Variants in GPC6 observed in about 807,000 individuals in gnomAD.
The protein encoded by GPC6 is glypican-6.
Under a neutral mutation model 55.2 loss-of-function variants are expected in GPC6, and 14 were observed. The observed-to-expected ratio is 0.25, with a 90% confidence interval of 0.17 to 0.40. The LOEUF is 0.40. Among genes scored for constraint, GPC6 ranks in the 10% least tolerant of loss-of-function variants. The pLI, the probability that GPC6 is intolerant of heterozygous loss-of-function variation, is 1.00. For missense variants in GPC6, 641 were observed against 708.5 expected, an observed-to-expected ratio of 0.90 and a Z score of 1.08; for synonymous variants, 278 against 259.6, an observed-to-expected ratio of 1.07 and a Z score of -0.68.
intron 2 of GPC6, among the ~76,000 whole-genome samples, chr13:93,569,913 A>G (rs1876321638): frequency 6.6e-6 from 1 of 152,136 alleles, no homozygotes; most frequent in Non-Finnish European, 1.5e-5. Flanking sequence ...AATATAAAGT[A>G]TCTTTATACC....
chr13:94,306,659 A>G (rs1054891953), intron 6 of GPC6, among the ~76,000 whole-genome samples: 12 of 152,110 alleles, frequency 7.9e-5, no homozygotes, highest in Middle Eastern at 3.2e-3. Context: ...TGAGCTGTTT[A>G]GATGTGTGTC....
At chr13:94,274,079 A>G (rs964942592) in intron 4 of GPC6, among the ~76,000 whole-genome samples, 2 of 152,220 alleles carry the variant, frequency 1.3e-5, no homozygotes, top group Non-Finnish European at 2.9e-5. Context: ...TGATGCTTAC[A>G]TGAATATATT....
At chr13:94,348,787 T>C (rs1440137708) in intron 6 of GPC6, among the ~76,000 whole-genome samples, 1 of 152,202 alleles carries the variant, frequency 6.6e-6, no homozygotes, top group East Asian at 1.9e-4. Flanking sequence ...CCTGATTAAA[T>C]GTTTAGCCCC....
At chr13:93,765,235 TCTGGAAAGACAACTTTCCAGATAAGCTG>T (rs1442263738) in intron 2 of GPC6, among the ~76,000 whole-genome samples, 4 of 78,546 alleles carry the variant, frequency 5.1e-5, no homozygotes, top group Non-Finnish European at 7.5e-5. Flanking sequence ...AGATAAATTG[TCTGGAAAGACAACTTTCCAGATAAGCTG>T]TCTGGAAAGA....
chr13:94,167,081 G>GT (rs1888393924), intron 4 of GPC6, among the ~76,000 whole-genome samples: 1 of 152,074 alleles, frequency 6.6e-6, no homozygotes. Context: ...GACTCTAGAT[G>GT]TTTTTTCCAT....
At chr13:93,886,500 A>T (rs575732750) in intron 3 of GPC6, among the ~76,000 whole-genome samples, 11 of 152,182 alleles carry the variant, frequency 7.2e-5, no homozygotes, top group Admixed American at 4.6e-4. Context: ...ACGAAAAAAA[A>T]AATTATTCTG....
At chr13:93,613,429 A>G (rs890263620) in intron 2 of GPC6, among the ~76,000 whole-genome samples, 4 of 152,128 alleles carry the variant, frequency 2.6e-5, no homozygotes, top group African/African-American at 9.7e-5. Context: ...TTTCTCTCAC[A>G]CAGTGACATT....
chr13:93,393,127 T>TATATATATATAGAGAG (rs1230857277), intron 1 of GPC6, among the ~76,000 whole-genome samples: 4 of 87,624 alleles, frequency 4.6e-5, no homozygotes, highest in South Asian at 3.9e-4. Flanking sequence ...TATATATATA[T>TATATATATATAGAGAG]AGAGAGAGAG....
chr13:93,951,010 G>T (rs1879230172), intron 3 of GPC6, among the ~76,000 whole-genome samples: 1 of 151,952 alleles, frequency 6.6e-6, no homozygotes, highest in Non-Finnish European at 1.5e-5. Flanking sequence ...ATTTGGAAAG[G>T]TCATGTTGTT....
chr13:94,106,840 A>G (rs1443593915), intron 4 of GPC6, among the ~76,000 whole-genome samples: 1 of 152,134 alleles, frequency 6.6e-6, no homozygotes, highest in Non-Finnish European at 1.5e-5. Flanking sequence ...TTCCTGGAAG[A>G]TGGATAAGGA....
chr13:93,938,523 G>C (rs973438471), intron 3 of GPC6, among the ~76,000 whole-genome samples: 1 of 152,014 alleles, frequency 6.6e-6, no homozygotes, highest in African/African-American at 2.4e-5. Context: ...CTGAAAAATG[G>C]TATGAAGAAT....
intron 1 of GPC6, among the ~76,000 whole-genome samples, chr13:93,429,948 T>C (rs1406092887): frequency 6.6e-6 from 1 of 152,120 alleles, no homozygotes. Flanking sequence ...ATTTGACCAA[T>C]ATGAGAAAAC....
intron 1 of GPC6, among the ~76,000 whole-genome samples, chr13:93,385,864 C>A (rs867234927): frequency 6.6e-6 from 1 of 151,824 alleles, no homozygotes; most frequent in African/African-American, 2.4e-5. Flanking sequence ...TTGTTCAATT[C>A]GTATGATTCG....
At chr13:93,906,027 C>T (rs1264378252) in intron 3 of GPC6, among the ~76,000 whole-genome samples, 1 of 152,074 alleles carries the variant, frequency 6.6e-6, no homozygotes, top group East Asian at 1.9e-4. Flanking sequence ...AGGTTGGAGG[C>T]AACAGAAACC....
At chr13:93,621,678 C>T (rs16949052) in intron 2 of GPC6, among the ~76,000 whole-genome samples, 3,576 of 152,098 alleles carry the variant, frequency 0.024, 154 homozygotes, top group African/African-American at 0.081. Flanking sequence ...TAACTATGTC[C>T]GACCTTAGGA....
intron 1 of GPC6, among the ~76,000 whole-genome samples, chr13:93,475,343 ATTTTAT>A (rs746271455): frequency 3.5e-4 from 53 of 152,308 alleles, no homozygotes; most frequent in Non-Finnish European, 6.6e-4. Flanking sequence ...ACTTAAAATG[ATTTTAT>A]TTTTACACTG....
chr13:93,848,240 C>T (rs1169574598), intron 3 of GPC6, among the ~76,000 whole-genome samples: 1 of 152,064 alleles, frequency 6.6e-6, no homozygotes, highest in Admixed American at 6.6e-5. Context: ...TTCTTTATTC[C>T]AGCATCTACG....
intron 1 of GPC6, among the ~76,000 whole-genome samples, chr13:93,478,969 A>G (rs940422879): frequency 3.9e-5 from 6 of 152,210 alleles, no homozygotes; most frequent in South Asian, 4.1e-4. Flanking sequence ...GGGTGTACTC[A>G]GAAAGGGAAA....
At chr13:93,954,324 AT>A (rs1190028982) in intron 3 of GPC6, among the ~76,000 whole-genome samples, 1 of 151,820 alleles carries the variant, frequency 6.6e-6, no homozygotes, top group Non-Finnish European at 1.5e-5. Flanking sequence ...ATTTTTATTT[AT>A]TTTTATTTTT....
Sources: gnomAD v4.1 joint callset for allele counts (sites outside exome capture counted in the v4.1 genomes callset) on GRCh38, gnomAD v4.1.1 for gene constraint, MANE v1.5 for transcripts, NCBI Gene and HGNC (gene_info 2026-07-23, HGNC 2026-07-21) for gene names.